Variants in LHFPL3 observed in about 807,000 individuals in gnomAD.
LHFPL3 encodes the protein LHFPL tetraspan subfamily member 3.
Under a neutral mutation model 19.3 loss-of-function variants are expected in LHFPL3, and 5 were observed. The observed-to-expected ratio is 0.26, with a 90% CI of 0.14 to 0.54. The LOEUF (loss-of-function observed/expected upper bound fraction) is 0.54. Among genes scored for constraint, LHFPL3 ranks in the 20% least tolerant of loss-of-function variants. The pLI, the probability that LHFPL3 is intolerant of heterozygous loss-of-function variation, is 0.94. For missense variants in LHFPL3, 249 were observed against 307.4 expected, an observed-to-expected ratio of 0.81 and a Z score of 1.42; for synonymous variants, 133 against 126.2, an observed-to-expected ratio of 1.05 and a Z score of -0.36.
chr7:104,329,850 C>T (rs1801536859), intron 1 of LHFPL3, among the ~76,000 whole-genome samples: 1 of 152,170 alleles, frequency 6.6e-6, no homozygotes, highest in African/African-American at 2.4e-5. Flanking sequence ...CATTCTTTCG[C>T]AATTCCTCAA....
intron 1 of LHFPL3, among the ~76,000 whole-genome samples, chr7:104,442,208 A>C (rs1422937515): frequency 6.6e-6 from 1 of 150,622 alleles, no homozygotes; most frequent in Non-Finnish European, 1.5e-5. Context: ...TTTGGAGAAA[A>C]GTCTATTCAA....
At position 104,345,974 on chromosome 7, in the gene LHFPL3, A is replaced by C. The variant is rs147799183; in HGVS notation, c.445+16750A>C. 3.9e-3 allele frequency among the ~76,000 whole-genome samples: 587 copies of C among 150,750 alleles called. 5 individuals are homozygous for C. Among genetic ancestry groups the C allele is most frequent in the African/African-American group, 0.014 (562 of 41,186 alleles). On this transcript the variant is annotated intron_variant, in intron 1 of 2. Coordinates refer to ENST00000424859, the MANE Select transcript of LHFPL3 (RefSeq NM_199000.3). ...TGCTTTGTCTTTTTTCTTACTTCTA[A>C]TATTGTCTTACTTTACTATAAGCTC... is the stretch of plus-strand genomic sequence containing the variant.
chr7:104,638,097 A>T (rs1451840933), intron 1 of LHFPL3, among the ~76,000 whole-genome samples: 2 of 151,842 alleles, frequency 1.3e-5, no homozygotes, highest in Non-Finnish European at 2.9e-5. Context: ...CACTTTAGAG[A>T]TGTTTCACCC....
intron 1 of LHFPL3, among the ~76,000 whole-genome samples, chr7:104,717,536 C>A (rs1793411530): frequency 6.6e-6 from 1 of 151,938 alleles, no homozygotes; most frequent in African/African-American, 2.4e-5. Flanking sequence ...TACAAGTGGC[C>A]AATGGGTATA....
chr7:104,576,161 GA>G (rs369816915), intron 1 of LHFPL3, among the ~76,000 whole-genome samples: 3 of 150,638 alleles, frequency 2.0e-5, no homozygotes, highest in Admixed American at 6.6e-5. Flanking sequence ...GAAGATCCAG[GA>G]AAAAAAAATT....
intron 1 of LHFPL3, among the ~76,000 whole-genome samples, chr7:104,408,594 A>G (rs974796077): frequency 6.6e-6 from 1 of 152,200 alleles, no homozygotes; most frequent in African/African-American, 2.4e-5. Flanking sequence ...AAAGATCTTG[A>G]ACCAAAAAGG....
chr7:104,542,693 G>A lies in LHFPL3; in HGVS notation c.446-193982G>A, dbSNP rs142803764. On this transcript the variant is annotated intron_variant, in intron 1 of 2. Coordinates refer to ENST00000424859, the MANE Select transcript of LHFPL3 (RefSeq NM_199000.3). ...GTTGCTAAAACCACCCAGTGCATGG[G>A]GGGAGAGAAAAGACAATTGATGTTG... 3.1e-3 allele frequency among the ~76,000 whole-genome samples: 468 copies of A among 152,218 alleles called. 2 individuals are homozygous for A. Among genetic ancestry groups the A allele is most frequent in the African/African-American group, 0.011 (438 of 41,542 alleles).
At chr7:104,345,206 C>G (rs1001367451) in intron 1 of LHFPL3, among the ~76,000 whole-genome samples, 13 of 152,132 alleles carry the variant, frequency 8.5e-5, no homozygotes, top group African/African-American at 3.1e-4. Flanking sequence ...AAAGCTGCTC[C>G]TAATATATTC....
chr7:104,511,414 T>C (rs1205484823), intron 1 of LHFPL3, among the ~76,000 whole-genome samples: 2 of 152,180 alleles, frequency 1.3e-5, no homozygotes, highest in Non-Finnish European at 2.9e-5. Flanking sequence ...GGCAATTTCC[T>C]AAAACACTGA....
intron 2 of LHFPL3, among the ~76,000 whole-genome samples, chr7:104,896,987 G>C (rs539469382): frequency 6.6e-6 from 1 of 151,958 alleles, no homozygotes; most frequent in Non-Finnish European, 1.5e-5. Flanking sequence ...TTGGGAGGCT[G>C]AGGCAGGAGA....
intron 1 of LHFPL3, among the ~76,000 whole-genome samples, chr7:104,378,006 TAAAAAAC>T (rs770328086): frequency 7.2e-5 from 11 of 152,150 alleles, no homozygotes; most frequent in Non-Finnish European, 1.0e-4. Flanking sequence ...TATTCTTTTT[TAAAAAAC>T]AAAAAACAAA....
chr7:104,552,133 C>A (rs959425284), intron 1 of LHFPL3, among the ~76,000 whole-genome samples: 3 of 152,174 alleles, frequency 2.0e-5, no homozygotes, highest in Non-Finnish European at 4.4e-5. Context: ...CTGCCTAGAC[C>A]AGAGCCATAG....
chr7:104,780,470 G>A (rs1034247693), intron 2 of LHFPL3, among the ~76,000 whole-genome samples: 3 of 152,112 alleles, frequency 2.0e-5, no homozygotes, highest in African/African-American at 7.2e-5. Flanking sequence ...AGCTTTGTAA[G>A]GCACCGGTGA....
intron 2 of LHFPL3, among the ~76,000 whole-genome samples, chr7:104,867,164 G>C (rs1332782710): frequency 1.3e-5 from 2 of 152,256 alleles, no homozygotes; most frequent in East Asian, 1.9e-4. Context: ...ACAATTAAAA[G>C]AACTAGAGAA....
chr7:104,755,102 A>G (rs1357447792), intron 2 of LHFPL3, among the ~76,000 whole-genome samples: 1 of 152,194 alleles, frequency 6.6e-6, no homozygotes, highest in African/African-American at 2.4e-5. Flanking sequence ...TCTAGGGATT[A>G]GAACATCTAG....
chr7:104,364,539 G>C (rs1790448697), intron 1 of LHFPL3, among the ~76,000 whole-genome samples: 1 of 152,170 alleles, frequency 6.6e-6, no homozygotes, highest in Admixed American at 6.5e-5. Flanking sequence ...TACCAAAATT[G>C]TACTCTTGTC....
intron 1 of LHFPL3, among the ~76,000 whole-genome samples, chr7:104,671,325 T>C (rs1268374712): frequency 6.6e-6 from 1 of 152,114 alleles, no homozygotes; most frequent in Non-Finnish European, 1.5e-5. Flanking sequence ...ATGTCTACTC[T>C]CCTTCCAAAT....
intron 1 of LHFPL3, among the ~76,000 whole-genome samples, chr7:104,578,917 T>G (rs1302371237): frequency 6.6e-6 from 1 of 152,210 alleles, no homozygotes; most frequent in Non-Finnish European, 1.5e-5. Flanking sequence ...TTAAGTCTCC[T>G]AATTTGACTT....
chr7:104,613,198 A>G (rs991317833), intron 1 of LHFPL3, among the ~76,000 whole-genome samples: 4 of 152,198 alleles, frequency 2.6e-5, no homozygotes, highest in African/African-American at 9.6e-5. Flanking sequence ...TTTTGGTAGC[A>G]TGTTGCAAAA....
Sources: allele counts gnomAD v4.1 joint callset (sites outside exome capture counted in the v4.1 genomes callset), GRCh38; gene constraint gnomAD v4.1.1; transcripts MANE v1.5; gene names NCBI Gene and HGNC (gene_info 2026-07-23, HGNC 2026-07-21).